ATG5: variants seen among roughly 807,000 people sequenced by gnomAD.
The protein encoded by ATG5 is autophagy related 5, also known as autophagy protein 5.
Under a neutral mutation model 36.5 loss-of-function variants are expected in ATG5, and 14 were observed. That is an observed-to-expected ratio of 0.38 (90% confidence interval 0.25 to 0.60). ATG5 has a LOEUF of 0.60. ATG5 is among the 20% of genes least tolerant of loss of function. ATG5 has a pLI of 0.60. For missense variants in ATG5, 195 were observed against 326.7 expected (o/e 0.60, Z 3.11); for synonymous variants, 95 against 101.5 (o/e 0.94, Z 0.38).
chr6:106,235,197 G>GT (rs1399978275), intron 6 of ATG5, among the ~76,000 whole-genome samples: 2 of 152,088 alleles, frequency 1.3e-5, no homozygotes, highest in Non-Finnish European at 2.9e-5. Flanking sequence ...TTTGGACCCT[G>GT]TATCTTTAAC....
intron 2 of ATG5, among the ~76,000 whole-genome samples, chr6:106,311,828 CCTT>C (rs564777589): frequency 7.0e-4 from 106 of 150,432 alleles, no homozygotes; most frequent in Admixed American, 2.0e-3. Flanking sequence ...AATTTGATCT[CCTT>C]CTTTTTTTTT....
chr6:106,299,754 A>G (rs149655399), intron 3 of ATG5, among the ~76,000 whole-genome samples: 3 of 152,366 alleles, frequency 2.0e-5, no homozygotes, highest in African/African-American at 7.2e-5. Flanking sequence ...TGATTCTAGT[A>G]TAAATATCTG....
At chr6:106,270,403 T>C (rs1461736819) in intron 5 of ATG5, among the ~76,000 whole-genome samples, 6 of 152,186 alleles carry the variant, frequency 3.9e-5, no homozygotes, top group Non-Finnish European at 8.8e-5. Context: ...ATTATTCACC[T>C]TCCTGCAAAA....
intron 3 of ATG5, among the ~76,000 whole-genome samples, chr6:106,303,655 G>A (rs1448699662): frequency 6.6e-6 from 1 of 152,028 alleles, no homozygotes; most frequent in Admixed American, 6.6e-5. Context: ...AATCCTCAAC[G>A]AAATATTATT....
intron 6 of ATG5, among the ~76,000 whole-genome samples, chr6:106,237,012 T>C (rs1392220963): frequency 6.6e-6 from 1 of 152,190 alleles, no homozygotes; most frequent in Non-Finnish European, 1.5e-5. Context: ...AAACTAATTC[T>C]TGAGCCTCTG....
At position 106,308,468 on chromosome 6, in the gene ATG5, A is replaced by G. The variant is rs1191902768; in HGVS notation, c.132T>C (p.Tyr44=). 3 of 1,589,272 alleles carry G rather than the reference A, an allele frequency of 1.9e-6. No homozygotes were observed. The highest frequency in any genetic ancestry group is 2.6e-6 in the Non-Finnish European group (3 of 1,168,532). ...TCACTTTGTCAGTTACCAACGTCAA[A>G]TAACTTACTCTTGGCAAAAGCAACT... The part of the protein sequence containing the change: ...PYYLLLPRVS[Y]LTLVTDKVKK... The change falls in exon 3 of 8, where the codon TAT becomes TAC. Residue 44 remains tyrosine (Y), a synonymous_variant. Coordinates refer to ENST00000369076, the MANE Select transcript of ATG5 (RefSeq NM_004849.4).
At chr6:106,319,219 TATA>T (rs1770972828) in intron 1 of ATG5, among the ~76,000 whole-genome samples, 1 of 152,206 alleles carries the variant, frequency 6.6e-6, no homozygotes, top group Non-Finnish European at 1.5e-5. Flanking sequence ...TATCTACTAT[TATA>T]ATTTACAGAA....
At chr6:106,247,653 T>G (rs1193151446) in intron 6 of ATG5, among the ~76,000 whole-genome samples, 1 of 152,218 alleles carries the variant, frequency 6.6e-6, no homozygotes, top group Non-Finnish European at 1.5e-5. Context: ...TGTTTCTGTT[T>G]AAAAAGAGCA....
At chr6:106,297,628 G>T (rs1582669090) in intron 3 of ATG5, among the ~76,000 whole-genome samples, 1 of 151,598 alleles carries the variant, frequency 6.6e-6, no homozygotes, top group Non-Finnish European at 1.5e-5. Context: ...TAAATTTGCT[G>T]TACTTAAACC....
intron 5 of ATG5, among the ~76,000 whole-genome samples, chr6:106,261,148 T>G (rs575859242): frequency 6.6e-6 from 1 of 152,224 alleles, no homozygotes; most frequent in South Asian, 2.1e-4. Context: ...CAGAGATAGA[T>G]CAAGTGAGCT....
At chr6:106,248,098 A>G (rs1352240239) in intron 6 of ATG5, 52 bp downstream of exon 6, 3 of 1,386,880 alleles carry the variant, frequency 2.2e-6, no homozygotes, top group Non-Finnish European at 1.0e-6. Context: ...TGCTTCAATT[A>G]AGATGTCTGA....
At chr6:106,284,397 C>T (rs912052225) in intron 4 of ATG5, among the ~76,000 whole-genome samples, 3 of 152,060 alleles carry the variant, frequency 2.0e-5, no homozygotes, top group African/African-American at 7.2e-5. Flanking sequence ...ACTCTTGTCA[C>T]CCAGGCTGGG....
chr6:106,232,788 C>G (rs1427284953), intron 6 of ATG5, among the ~76,000 whole-genome samples: 1 of 152,122 alleles, frequency 6.6e-6, no homozygotes, highest in East Asian at 1.9e-4. Context: ...GTACCTAACC[C>G]TTATATTCTG....
At chr6:106,307,495 TACATGGATAAG>T (rs894586967) in intron 3 of ATG5, among the ~76,000 whole-genome samples, 70 of 151,632 alleles carry the variant, frequency 4.6e-4, no homozygotes, top group Admixed American at 1.4e-3. Context: ...ACATCATTAG[TACATGGATAAG>T]CACAGGTTTA....
chr6:106,204,301 A>T lies in ATG5; in HGVS notation c.574-2212T>A, dbSNP rs1429307199. Among the ~76,000 whole-genome samples, 3 of 152,210 alleles carry T rather than the reference A, an allele frequency of 2.0e-5. No homozygotes were observed. The East Asian group carries it at 5.8e-4, about 29-fold the overall frequency. On this transcript the variant is annotated intron_variant, in intron 6 of 7. Coordinates refer to ENST00000369076, the MANE Select transcript of ATG5 (RefSeq NM_004849.4). ...CATGTGAGCTGCCTTTCCTAATTCT[A>T]TGTTTATGTATTCACTGAATACATA...
In ATG5 at chr6:106,185,878, T is replaced by A. The variant is rs1307079730; in HGVS notation, c.*662A>T. 6.5e-6 allele frequency: 1 copy of A among 152,774 alleles called. No individual in the cohort carries two copies. Among genetic ancestry groups the A allele is most frequent in the East Asian group, 1.9e-4 (1 of 5,338 alleles). 9.5% of individuals were successfully genotyped at this position (152,774 alleles called of 1,614,324 possible). ...AGAGTAAAAAGTGATCTACTGTATG[T>A]GAGTCAGAAAGTACTTGAAAAGTGA... On this transcript the variant is annotated 3_prime_UTR_variant, in exon 8 of 8. Transcript: ENST00000369076.
At chr6:106,265,972 CACAAG>C (rs1366282957) in intron 5 of ATG5, among the ~76,000 whole-genome samples, 1 of 150,778 alleles carries the variant, frequency 6.6e-6, no homozygotes, top group African/African-American at 2.4e-5. Flanking sequence ...CAAAAGCTAG[CACAAG>C]ACAAGAATAA....
At chr6:106,244,348 C>A (rs929010074) in intron 6 of ATG5, among the ~76,000 whole-genome samples, 10 of 152,092 alleles carry the variant, frequency 6.6e-5, no homozygotes, top group African/African-American at 2.4e-4. Flanking sequence ...CTTAAGATCT[C>A]CCATTCTTTA....
intron 5 of ATG5, among the ~76,000 whole-genome samples, chr6:106,269,028 C>T (rs544842932): frequency 6.2e-4 from 95 of 152,282 alleles, no homozygotes; most frequent in African/African-American, 2.2e-3. Flanking sequence ...CACATGTATC[C>T]TAGAACTTAA....
Sources: gnomAD v4.1 joint callset for allele counts (sites outside exome capture counted in the v4.1 genomes callset) on GRCh38, gnomAD v4.1.1 for gene constraint, MANE v1.5 for transcripts, NCBI Gene and HGNC (gene_info 2026-07-23, HGNC 2026-07-21) for gene names.